ELAVL4: variants seen among roughly 807,000 people sequenced by gnomAD.
The protein encoded by ELAVL4 is ELAV like RNA binding protein 4, also known as ELAV-like protein 4.
Under a neutral mutation model 35.6 loss-of-function variants are expected in ELAVL4, and 1 was observed. The ratio of observed to expected loss-of-function variants is 0.03; its 90% CI spans 0.01 to 0.13. ELAVL4 has a LOEUF of 0.13. ELAVL4 is among the 10% of genes least tolerant of loss of function. ELAVL4 has a pLI of 1.00. For missense variants in ELAVL4, 267 were observed against 464.9 expected (o/e 0.57, Z 3.91); for synonymous variants, 156 against 171.0 (o/e 0.91, Z 0.69).
chr1:50,081,451 C>A (rs1021196573), intron 1 of ELAVL4, among the ~76,000 whole-genome samples: 1 of 152,202 alleles, frequency 6.6e-6, no homozygotes, highest in African/African-American at 2.4e-5. Context: ...TAGGCTCATG[C>A]CATGCCTAAG....
At position 50,202,298 on chromosome 1, in the gene ELAVL4, T is replaced by G; in HGVS notation, c.*1120T>G. 6.6e-6 allele frequency: 1 copy of G among 152,200 alleles called. No individual in the cohort carries two copies. The highest frequency in any genetic ancestry group is 1.9e-4 in the East Asian group (1 of 5,204). 9.4% of individuals were successfully genotyped at this position (152,200 alleles called of 1,614,324 possible). A position where few individuals can be genotyped will look rare whatever the true frequency, so the allele number is the denominator to read the frequency against. ...TCAGCAGAACAAAAATTAAAAAGATTAATTTTCCTTTTGATCTAAAACTTC... is the reference window on the plus strand; with the variant it reads ...TCAGCAGAACAAAAATTAAAAAGATGAATTTTCCTTTTGATCTAAAACTTC... On this transcript the variant is annotated 3_prime_UTR_variant, in exon 7 of 7. Transcript: ENST00000371824.
At chr1:50,168,961 T>G (rs1678478600) in intron 2 of ELAVL4, among the ~76,000 whole-genome samples, 1 of 148,854 alleles carries the variant, frequency 6.7e-6, no homozygotes, top group African/African-American at 2.5e-5. Context: ...TATATATATA[T>G]ATACACACAC....
intron 2 of ELAVL4, among the ~76,000 whole-genome samples, chr1:50,161,023 A>C (rs1676712527): frequency 6.6e-6 from 1 of 152,200 alleles, no homozygotes; most frequent in Admixed American, 6.5e-5. Context: ...GTATGTAATT[A>C]GTATTAACCT....
chr1:50,200,002 G>C (rs1386616301), intron 6 of ELAVL4, among the ~76,000 whole-genome samples: 3 of 152,200 alleles, frequency 2.0e-5, no homozygotes, highest in African/African-American at 2.4e-5. Context: ...CTAATGTATA[G>C]CGATTCAAGA....
intron 1 of ELAVL4, among the ~76,000 whole-genome samples, chr1:50,081,069 G>A (rs945509839): frequency 3.3e-5 from 5 of 152,164 alleles, no homozygotes; most frequent in African/African-American, 1.2e-4. Context: ...TAGGCTTTCT[G>A]ACAAAAGGAA....
At chr1:50,176,252 G>A (rs1680006873) in intron 2 of ELAVL4, among the ~76,000 whole-genome samples, 1 of 152,128 alleles carries the variant, frequency 6.6e-6, no homozygotes, top group South Asian at 2.1e-4. Context: ...TGCACTCTTA[G>A]CTTTGTGTTA....
chr1:50,124,434 A>G (rs144250934), intron 1 of ELAVL4, among the ~76,000 whole-genome samples: 22 of 152,258 alleles, frequency 1.4e-4, no homozygotes, highest in Admixed American at 3.3e-4. Context: ...AGATATTTTT[A>G]TTCCCATTTT....
chr1:50,098,646 G>A lies in ELAVL4; in HGVS notation c.19-46311G>A, dbSNP rs375496602. On this transcript the variant is annotated intron_variant, in intron 1 of 6. Transcript: ENST00000448907. ...GCTGCTGTTGCTAAGGGGTTGCTAC[G>A]GGAAATGAGCTACTCAGCATTAATG... Among the ~76,000 whole-genome samples the A allele has an allele frequency of 1.2e-4, 19 of 152,268 alleles. No individual in the cohort carries two copies. The East Asian group carries it at 1.4e-3, about 11-fold the overall frequency.
At chr1:50,169,614 A>G (rs1678617687) in intron 2 of ELAVL4, among the ~76,000 whole-genome samples, 1 of 152,228 alleles carries the variant, frequency 6.6e-6, no homozygotes, top group Non-Finnish European at 1.5e-5. Flanking sequence ...AGTGAATGGA[A>G]TATGCCTGGT....
intron 1 of ELAVL4, among the ~76,000 whole-genome samples, chr1:50,097,590 T>C (rs1350123636): frequency 1.3e-5 from 2 of 152,286 alleles, no homozygotes; most frequent in Non-Finnish European, 2.9e-5. Flanking sequence ...TCCTGGCTCT[T>C]CCTTTATGTT....
chr1:50,096,683 C>T (rs1218420261), intron 1 of ELAVL4, among the ~76,000 whole-genome samples: 1 of 151,970 alleles, frequency 6.6e-6, no homozygotes, highest in Non-Finnish European at 1.5e-5. Context: ...CATGTTTCAA[C>T]CTAATAAAAA....
intron 1 of ELAVL4, among the ~76,000 whole-genome samples, chr1:50,077,525 G>A (rs1664817520): frequency 6.6e-6 from 1 of 152,102 alleles, no homozygotes; most frequent in African/African-American, 2.4e-5. Flanking sequence ...TCTAGGGAGG[G>A]CAAATGACTT....
intron 1 of ELAVL4, among the ~76,000 whole-genome samples, chr1:50,126,689 T>C (rs1396352066): frequency 6.6e-6 from 1 of 152,098 alleles, no homozygotes; most frequent in African/African-American, 2.4e-5. Flanking sequence ...TTTACCTGAT[T>C]AAAATTAAGA....
intron 1 of ELAVL4, among the ~76,000 whole-genome samples, chr1:50,051,158 A>G (rs1220081453): frequency 6.6e-6 from 1 of 152,146 alleles, no homozygotes; most frequent in Non-Finnish European, 1.5e-5. Flanking sequence ...AATATAGGCA[A>G]ATCTGTGAGG....
chr1:50,135,824 T>G (rs1671787146), intron 1 of ELAVL4, among the ~76,000 whole-genome samples: 1 of 152,144 alleles, frequency 6.6e-6, no homozygotes, highest in Non-Finnish European at 1.5e-5. Flanking sequence ...ATGAATGGTT[T>G]TGGGAAACAT....
chr1:50,064,023 A>G (rs1343571758), intron 1 of ELAVL4, among the ~76,000 whole-genome samples: 1 of 152,190 alleles, frequency 6.6e-6, no homozygotes, highest in Non-Finnish European at 1.5e-5. Flanking sequence ...GGTACATAGA[A>G]CAAATGAGGA....
At chr1:50,160,562 G>A (rs1395945242) in intron 2 of ELAVL4, among the ~76,000 whole-genome samples, 2 of 152,142 alleles carry the variant, frequency 1.3e-5, no homozygotes, top group African/African-American at 4.8e-5. Flanking sequence ...GGACAGAGGT[G>A]TCCATTTCTG....
At chr1:50,086,695 T>C (rs1665261792) in intron 1 of ELAVL4, among the ~76,000 whole-genome samples, 2 of 152,108 alleles carry the variant, frequency 1.3e-5, no homozygotes, top group Non-Finnish European at 2.9e-5. Flanking sequence ...GAGCTCTTCT[T>C]GCTATGAGCT....
intron 1 of ELAVL4, among the ~76,000 whole-genome samples, chr1:50,051,978 G>A (rs1004238729): frequency 2.0e-5 from 3 of 151,916 alleles, no homozygotes; most frequent in South Asian, 2.1e-4. Context: ...CTCTGTTTAC[G>A]GCCTAATCTC....
Sources: gnomAD v4.1 joint callset for allele counts (sites outside exome capture counted in the v4.1 genomes callset) on GRCh38, gnomAD v4.1.1 for gene constraint, MANE v1.5 for transcripts, NCBI Gene and HGNC (gene_info 2026-07-23, HGNC 2026-07-21) for gene names.